Variants in ATP2B1 observed in about 807,000 individuals in gnomAD.
ATP2B1 encodes the protein plasma membrane calcium-transporting ATPase 1.
A neutral mutation model predicts 124.2 loss-of-function variants in ATP2B1; 14 were observed. That is an observed-to-expected ratio of 0.11 (90% CI 0.07 to 0.18). The LOEUF is 0.18. Ranked by LOEUF, ATP2B1 falls within the 10% of genes least tolerant of loss-of-function variation. The pLI is 1.00. For synonymous variants in ATP2B1, 449 were observed against 492.4 expected (o/e 0.91, Z 1.17); for missense variants, 763 against 1,466.1 (o/e 0.52, Z 7.83).
At chr12:89,697,064 CAAAAAA>C (rs59301153) in intron 1 of ATP2B1, among the ~76,000 whole-genome samples, 1 of 114,256 alleles carries the variant, frequency 8.8e-6, no homozygotes, top group Non-Finnish European at 1.8e-5. Context: ...CTACTTCCTT[CAAAAAA>C]AAAAAAAAAA....
At chr12:89,680,930 A>T (rs1181690353) in intron 1 of ATP2B1, among the ~76,000 whole-genome samples, 1 of 152,232 alleles carries the variant, frequency 6.6e-6, no homozygotes, top group African/African-American at 2.4e-5. Context: ...AAACTTCAGA[A>T]TGTGGGAGCT....
chr12:89,610,726 G>T, intron 13 of ATP2B1: 2 of 493,202 alleles, frequency 4.1e-6, no homozygotes, highest in South Asian at 3.2e-5. Flanking sequence ...TAATAATCTT[G>T]CTAGGTGACT....
At position 89,633,777 on chromosome 12, in the gene ATP2B1, T is replaced by C. The variant is rs551774123; in HGVS notation, c.787+1001A>G. ...AGCAATCATCTGACAATGTATAAAA[T>C]GTTGGCAATCTATCAACACCTGACA... On this transcript the variant is annotated intron_variant, in intron 5 of 20. Transcript: ENST00000428670. Among the ~76,000 whole-genome samples the C allele has an allele frequency of 4.6e-5, 7 of 152,258 alleles. No individual in the cohort carries two copies. In the South Asian group the frequency reaches 1.4e-3, roughly 31 times the overall value.
Position 89,655,965 on chromosome 12 carries a change from C to A in ATP2B1, c.-79G>T. The A allele has an allele frequency of 7.1e-7, 1 of 1,405,112 alleles. No homozygotes were observed. Among genetic ancestry groups the A allele is most frequent in the Non-Finnish European group, 9.6e-7 (1 of 1,042,202 alleles). 87.0% of individuals were successfully genotyped at this position (1,405,112 alleles called of 1,614,324 possible). ...CTTGATGTATTTCCAAGATGAAAAT[C>A]TTTTAAGTATGAAAATCTTTCTTAA... On this transcript the variant is annotated 5_prime_UTR_variant, in exon 2 of 21. Transcript: ENST00000428670.
At chr12:89,704,616 A>T (rs972507484) in intron 1 of ATP2B1, among the ~76,000 whole-genome samples, 5 of 152,122 alleles carry the variant, frequency 3.3e-5, no homozygotes, top group African/African-American at 1.2e-4. Flanking sequence ...ACCAGAAAAA[A>T]AACAAAAAAC....
intron 1 of ATP2B1, among the ~76,000 whole-genome samples, chr12:89,678,845 G>C (rs1008938392): frequency 6.6e-6 from 1 of 152,238 alleles, no homozygotes; most frequent in African/African-American, 2.4e-5. Flanking sequence ...CATACTAGCT[G>C]CTACTCATTG....
At chr12:89,675,952 T>G (rs1888554061) in intron 1 of ATP2B1, among the ~76,000 whole-genome samples, 1 of 152,202 alleles carries the variant, frequency 6.6e-6, no homozygotes. Flanking sequence ...CAAATCAATT[T>G]AGACTGGAAG....
chr12:89,657,667 GC>G (rs1324398956), intron 1 of ATP2B1, among the ~76,000 whole-genome samples: 1 of 152,152 alleles, frequency 6.6e-6, no homozygotes, highest in Non-Finnish European at 1.5e-5. Context: ...AGATTGCTGG[GC>G]CCCACACCTC....
intron 18 of ATP2B1, among the ~76,000 whole-genome samples, chr12:89,602,550 A>G (rs1041351585): frequency 6.6e-6 from 1 of 152,158 alleles, no homozygotes; most frequent in East Asian, 1.9e-4. Flanking sequence ...TAGTAGCCCA[A>G]TTAGATTACA....
At chr12:89,605,009 A>G (rs1482880250) in intron 15 of ATP2B1, among the ~76,000 whole-genome samples, 1 of 152,210 alleles carries the variant, frequency 6.6e-6, no homozygotes, top group Non-Finnish European at 1.5e-5. Context: ...AGAATGGGGT[A>G]ATTAATAAAT....
chr12:89,592,641 C>G (rs1361023396), intron 20 of ATP2B1, among the ~76,000 whole-genome samples: 1 of 151,966 alleles, frequency 6.6e-6, no homozygotes, highest in Non-Finnish European at 1.5e-5. Flanking sequence ...GTGTAAATTC[C>G]AGCTCTGCCA....
intron 1 of ATP2B1, among the ~76,000 whole-genome samples, chr12:89,685,475 T>C (rs781104136): frequency 6.6e-6 from 1 of 152,064 alleles, no homozygotes; most frequent in Non-Finnish European, 1.5e-5. Flanking sequence ...ACAGTAAATA[T>C]GAAATCAGTG....
chr12:89,639,274 C>T (rs527669613), intron 3 of ATP2B1, among the ~76,000 whole-genome samples: 37 of 152,148 alleles, frequency 2.4e-4, no homozygotes, highest in African/African-American at 5.3e-4. Context: ...GAGGCCGAGG[C>T]GGGCAGATAA....
chr12:89,700,877 AG>A (rs1891764897), intron 1 of ATP2B1, among the ~76,000 whole-genome samples: 1 of 152,252 alleles, frequency 6.6e-6, no homozygotes, highest in African/African-American at 2.4e-5. Context: ...GTAAGGTCTC[AG>A]CTGTGCTAAT....
At chr12:89,698,134 T>C (rs1409208318) in intron 1 of ATP2B1, among the ~76,000 whole-genome samples, 2 of 152,026 alleles carry the variant, frequency 1.3e-5, no homozygotes, top group Non-Finnish European at 2.9e-5. Flanking sequence ...TTTATCACCA[T>C]TCTTCTTCCC....
At chr12:89,646,473 G>A (rs1884469340) in intron 2 of ATP2B1, among the ~76,000 whole-genome samples, 1 of 152,170 alleles carries the variant, frequency 6.6e-6, no homozygotes, top group Non-Finnish European at 1.5e-5. Context: ...CAGCCAGTGA[G>A]GGAGGCAAGG....
At chr12:89,643,200 ATG>A (rs1345015142) in intron 2 of ATP2B1, among the ~76,000 whole-genome samples, 3 of 150,630 alleles carry the variant, frequency 2.0e-5, no homozygotes, top group Admixed American at 6.7e-5. Context: ...ATATGTATAT[ATG>A]TGTGTATATG....
intron 9 of ATP2B1, among the ~76,000 whole-genome samples, chr12:89,623,144 T>A (rs887355408): frequency 1.3e-5 from 2 of 152,036 alleles, no homozygotes; most frequent in South Asian, 2.1e-4. Flanking sequence ...GCAAAAAAAA[T>A]TCTTATCAAG....
intron 20 of ATP2B1, among the ~76,000 whole-genome samples, chr12:89,595,658 A>G (rs766986485): frequency 1.1e-4 from 16 of 152,136 alleles, no homozygotes; most frequent in African/African-American, 1.4e-4. Context: ...GAAATCTTTC[A>G]TTAAATATAT....
Sources: allele counts gnomAD v4.1 joint callset (sites outside exome capture counted in the v4.1 genomes callset), GRCh38; gene constraint gnomAD v4.1.1; transcripts MANE v1.5; gene names NCBI Gene and HGNC (gene_info 2026-07-23, HGNC 2026-07-21).